Variants in DGKH observed in about 807,000 individuals in gnomAD.
DGKH encodes diacylglycerol kinase eta, also known as DAG kinase eta.
DGKH carries 90 observed loss-of-function variants against 159.3 expected under a neutral mutation model. That is an observed-to-expected ratio of 0.57 (90% CI 0.48 to 0.67). DGKH has a LOEUF of 0.67. DGKH is among the 30% of genes least tolerant of loss of function. The pLI, the probability that DGKH is intolerant of heterozygous loss-of-function variation, is 0.00. For synonymous variants in DGKH, 536 were observed against 553.8 expected (o/e 0.97, Z 0.45); for missense variants, 1,181 against 1,506.1 (o/e 0.78, Z 3.57).
intron 9 of DGKH, 33 bp from the exon 10 acceptor site, chr13:42,168,407 T>C: frequency 6.4e-7 from 1 of 1,563,534 alleles, no homozygotes; most frequent in South Asian, 1.1e-5. Flanking sequence ...TTTTTATTTC[T>C]TTATACTAAA....
At chr13:42,204,033 G>A (rs954292654) in intron 20 of DGKH, among the ~76,000 whole-genome samples, 4 of 152,068 alleles carry the variant, frequency 2.6e-5, no homozygotes, top group African/African-American at 9.7e-5. Context: ...ATTTAGATGT[G>A]TTGCTTAATA....
In DGKH at chr13:42,166,657, T is replaced by C. The variant is rs1566150492; in HGVS notation, c.1101T>C (p.Asn367=). The C allele has an allele frequency of 6.3e-7, 1 of 1,598,602 alleles. No homozygotes were observed. Among genetic ancestry groups the C allele is most frequent in the Non-Finnish European group, 8.5e-7 (1 of 1,173,582 alleles). ...LNPAQVFDLM[N]GGPHLGLRLF... is the part of the protein sequence containing the mutation. ...CGGCTCAGGTGTTTGATTTAATGAATGGAGGTCCTCATTTAGGGTAACTGA... is the reference window on the plus strand; with the variant it reads ...CGGCTCAGGTGTTTGATTTAATGAACGGAGGTCCTCATTTAGGGTAACTGA... Residue 367 remains asparagine (N), a synonymous_variant, in exon 9 of 30, where the codon AAT becomes AAC. Coordinates refer to ENST00000337343, the MANE Select transcript of DGKH (RefSeq NM_178009.5).
chr13:42,075,084 A>T (rs7990452), intron 1 of DGKH, among the ~76,000 whole-genome samples: 94,603 of 151,926 alleles, frequency 0.62, 29,756 homozygotes, highest in Non-Finnish European at 0.68. Flanking sequence ...ATTTTAAAAT[A>T]GAGATACATT....
intron 23 of DGKH, among the ~76,000 whole-genome samples, 183 bp from the exon 24 acceptor site, chr13:42,210,419 C>A (rs939973468): frequency 3.3e-5 from 5 of 152,138 alleles, no homozygotes; most frequent in African/African-American, 1.2e-4. Flanking sequence ...TATTCATGAT[C>A]ATTGACTGCA....
intron 11 of DGKH, among the ~76,000 whole-genome samples, chr13:42,171,151 T>C (rs892186452): frequency 6.6e-6 from 1 of 152,236 alleles, no homozygotes; most frequent in Non-Finnish European, 1.5e-5. Context: ...TTCTAGTTGC[T>C]TTACTTCGTG....
At chr13:42,175,827 T>C (rs535001702) in intron 12 of DGKH, among the ~76,000 whole-genome samples, 2 of 152,362 alleles carry the variant, frequency 1.3e-5, no homozygotes, top group East Asian at 1.9e-4. Context: ...GTGGCCTTTT[T>C]ACCTTGAAAA....
rs141170872 is a variant in DGKH at position 42,160,296 on chromosome 13, C to T, written c.855+160C>T. Among the ~76,000 whole-genome samples, 465 of 152,338 alleles carry T rather than the reference C, an allele frequency of 3.1e-3. 2 individuals carry two copies. The highest frequency in any genetic ancestry group is 6.8e-3 in the Middle Eastern group (2 of 294). On this transcript the variant is annotated intron_variant, in intron 7 of 29. Transcript: ENST00000337343. Reference sequence around the variant, plus strand: ...TCTTCTTTCCTTACAGTATAGTCCTCCTAGTCTGGTCATTGTTTCAAATGC... The same window carrying T: ...TCTTCTTTCCTTACAGTATAGTCCTTCTAGTCTGGTCATTGTTTCAAATGC...
At chr13:42,227,274 T>TA (rs1381317661) in intron 29 of DGKH, among the ~76,000 whole-genome samples, 2 of 151,958 alleles carry the variant, frequency 1.3e-5, no homozygotes, top group South Asian at 2.1e-4. Flanking sequence ...TAAATTAATT[T>TA]AAAAAAAAGT....
intron 3 of DGKH, among the ~76,000 whole-genome samples, chr13:42,141,371 G>A (rs1243389706): frequency 2.0e-5 from 3 of 152,138 alleles, no homozygotes; most frequent in South Asian, 4.1e-4. Flanking sequence ...ACATGTGCGT[G>A]TGTCTGTATA....
intron 1 of DGKH, among the ~76,000 whole-genome samples, chr13:42,090,621 G>A (rs1164120482): frequency 1.3e-5 from 2 of 152,166 alleles, no homozygotes; most frequent in Admixed American, 6.5e-5. Flanking sequence ...TTTCCATGAC[G>A]ATGCTAAGAT....
At chr13:42,051,646 C>CTTTTTTTTT (rs56413015) in intron 1 of DGKH, among the ~76,000 whole-genome samples, 1 of 50,130 alleles carries the variant, frequency 2.0e-5, no homozygotes, top group African/African-American at 7.6e-5. Flanking sequence ...TCAAAGCCAT[C>CTTTTTTTTT]TTTTTTTTTT....
intron 12 of DGKH, among the ~76,000 whole-genome samples, chr13:42,175,109 G>A (rs1465755141): frequency 6.6e-6 from 1 of 152,056 alleles, no homozygotes; most frequent in Non-Finnish European, 1.5e-5. Flanking sequence ...TTCCCTCCAG[G>A]AAAATTCATC....
At chr13:42,218,711 G>T (rs1007002634) in intron 26 of DGKH, among the ~76,000 whole-genome samples, 1 of 152,030 alleles carries the variant, frequency 6.6e-6, no homozygotes, top group Non-Finnish European at 1.5e-5. Flanking sequence ...GTTTCATCAT[G>T]TTGGCCAGTC....
At chr13:42,191,492 A>G (rs1433907204) in intron 16 of DGKH, among the ~76,000 whole-genome samples, 1 of 152,198 alleles carries the variant, frequency 6.6e-6, no homozygotes, top group Non-Finnish European at 1.5e-5. Flanking sequence ...CCTGAATCTA[A>G]AATAAAAGTT....
intron 13 of DGKH, chr13:42,181,780 C>A: frequency 1.7e-6 from 1 of 582,344 alleles, no homozygotes; most frequent in South Asian, 1.7e-5. Context: ...TGCCAGGATG[C>A]AGCAGCAGGA....
chr13:42,217,276 C>T (rs1480301697), intron 26 of DGKH, among the ~76,000 whole-genome samples: 1 of 151,572 alleles, frequency 6.6e-6, no homozygotes. Context: ...TTTTTTGAGA[C>T]AGGGACGCAC....
intron 27 of DGKH, 48 bp from the exon 28 acceptor site, chr13:42,219,630 AGGTTTTTC>A (rs11277175): frequency 0.68 from 1,028,919 of 1,519,464 alleles, 348,812 homozygotes; most frequent in East Asian, 0.88. Context: ...TTATCAGAGT[AGGTTTTTC>A]TCCTTTTCAT....
chr13:42,152,783 T>A (rs1235317034), intron 3 of DGKH, among the ~76,000 whole-genome samples: 1 of 151,978 alleles, frequency 6.6e-6, no homozygotes, highest in African/African-American at 2.4e-5. Context: ...AGGGGACAGT[T>A]CCCTGGACTC....
In DGKH at chr13:42,061,276, C is replaced by T. The variant is rs116439917; in HGVS notation, c.192+12311C>T. 3.8e-3 allele frequency among the ~76,000 whole-genome samples: 577 copies of T among 152,242 alleles called. 10 individuals are homozygous for T. Among genetic ancestry groups the T allele is most frequent in the African/African-American group, 0.013 (536 of 41,544 alleles). ...TCTGCGCCATCTTGTCTGCTCCTTA[C>T]AATACACGTAGCTGGCAGAGAAGGG... is the stretch of plus-strand genomic sequence containing the variant. On this transcript the variant is annotated intron_variant, in intron 1 of 29. Coordinates refer to ENST00000337343, the MANE Select transcript of DGKH (RefSeq NM_178009.5).
Sources: gnomAD v4.1 joint callset for allele counts (sites outside exome capture counted in the v4.1 genomes callset) on GRCh38, gnomAD v4.1.1 for gene constraint, MANE v1.5 for transcripts, NCBI Gene and HGNC (gene_info 2026-07-23, HGNC 2026-07-21) for gene names.